The following RAPGEFL1 variants were observed in gnomAD, a reference collection of about 807,000 sequenced individuals.
RAPGEFL1 encodes rap guanine nucleotide exchange factor-like 1.
Under a neutral mutation model 64.4 loss-of-function variants are expected in RAPGEFL1, and 31 were observed. The ratio of observed to expected loss-of-function variants is 0.48; its 90% CI spans 0.36 to 0.65. The LOEUF (loss-of-function observed/expected upper bound fraction) is 0.65, where lower values mean the gene tolerates loss of function less well. RAPGEFL1 is among the 30% of genes least tolerant of loss of function. RAPGEFL1 has a pLI of 0.00. For synonymous variants in RAPGEFL1, 331 were observed against 274.1 expected, an observed-to-expected ratio of 1.21 and a Z score of -2.05; for missense variants, 682 against 677.4, an observed-to-expected ratio of 1.01 and a Z score of -0.08.
intron 6 of RAPGEFL1, 92 bp downstream of exon 6, chr17:40,189,467 C>T: frequency 7.3e-7 from 1 of 1,376,300 alleles, no homozygotes; most frequent in Non-Finnish European, 1.0e-6. Flanking sequence ...AATTCTAGGC[C>T]CTTGCTACTC....
chr17:40,178,366 G>C lies in RAPGEFL1; in HGVS notation c.505G>C (p.Asp169His), dbSNP rs1391224805. ...GCGGCTTGCTGGAGGGGCTACCAGG[G>C]ACAGCGCCGCCTCAGGTAAGGAGCC... ...LERLAGGATR[D>H]SAASDILLDD... The change falls in exon 1 of 15, where the codon GAC (aspartate) becomes CAC (histidine). Residue 169 changes from aspartate to histidine, a missense_variant. Coordinates refer to ENST00000620260, the MANE Select transcript of RAPGEFL1 (RefSeq NM_016339.6). 1.9e-6 allele frequency: 1 copy of C among 534,388 alleles called. No homozygotes were observed. Among genetic ancestry groups the C allele is most frequent in the Non-Finnish European group, 3.4e-6 (1 of 297,126 alleles). The allele number at this position is 534,388 out of a possible 1,614,324, so 33.1% of individuals were successfully genotyped here.
In RAPGEFL1 at chr17:40,192,278, CTCTT is replaced by C. The variant is rs1990302804; in HGVS notation, c.1656+20_1656+23del. The C allele has an allele frequency of 2.5e-6, 4 of 1,612,556 alleles. No homozygotes were observed. The African/African-American group carries it at 4.0e-5, about 16-fold the overall frequency. ...AGAACCTGACGGTGAGTGGGTTTGG[CTCTT>C]TCTTCTGCTCTTGGACTGAGAGCCC... On this transcript the variant is annotated intron_variant, in intron 11 of 14. Transcript: ENST00000620260.
chr17:40,182,482 T>C (rs1242301250), intron 2 of RAPGEFL1, among the ~76,000 whole-genome samples: 1 of 152,116 alleles, frequency 6.6e-6, no homozygotes, highest in Admixed American at 6.6e-5. Flanking sequence ...CTGGCTACTT[T>C]TTGTATTTTT....
intron 1 of RAPGEFL1, among the ~76,000 whole-genome samples, chr17:40,179,111 G>A (rs922726832): frequency 2.0e-5 from 3 of 151,010 alleles, no homozygotes; most frequent in Non-Finnish European, 4.4e-5. Flanking sequence ...CTGTCACCCA[G>A]GCTGGAGTGC....
In RAPGEFL1 at chr17:40,191,229, GCTC is replaced by G; in HGVS notation, c.1336-83_1336-81del. 2 of 1,222,980 alleles carry G rather than the reference GCTC, an allele frequency of 1.6e-6. No homozygotes were observed. Among genetic ancestry groups the G allele is most frequent in the South Asian group, 3.3e-5 (2 of 60,060 alleles). 75.8% of individuals were successfully genotyped at this position (1,222,980 alleles called of 1,614,324 possible). ...TTCCGCCCCCGCCCTCCTGCCTTTCGCTCCTCATCGCCTTGCACTGCCATCTTC... is the reference window on the plus strand; with the variant it reads ...TTCCGCCCCCGCCCTCCTGCCTTTCGCTCATCGCCTTGCACTGCCATCTTC... On this transcript the variant is annotated intron_variant, in intron 8 of 14. Coordinates refer to ENST00000620260, the MANE Select transcript of RAPGEFL1 (RefSeq NM_016339.6). This position sits in a 1 kb window ranked among gnomAD's most constrained non-coding sequence, Gnocchi z 5.1.
chr17:40,189,329 G>A lies in RAPGEFL1; in HGVS notation c.1068G>A (p.Ala356=), dbSNP rs139857191. 53 of 1,614,060 alleles carry A rather than the reference G, an allele frequency of 3.3e-5. No homozygotes were observed. The highest frequency in any genetic ancestry group is 3.2e-4 in the Admixed American group (19 of 60,002). The change falls in exon 6 of 15, where the codon GCG becomes GCA. Residue 356 remains alanine (A), a synonymous_variant. Transcript: ENST00000620260. ...AACTTCAATATTCAGAGGAGCCCGCGGGGCGTGAGGATTCCCTCATCCTGG... is the reference window on the plus strand; with the variant it reads ...AACTTCAATATTCAGAGGAGCCCGCAGGGCGTGAGGATTCCCTCATCCTGG... ...TEKLQYSEEP[A]GREDSLILVA...
At position 40,191,467 on chromosome 17, in the gene RAPGEFL1, T is replaced by G; in HGVS notation, c.1487T>G (p.Leu496Arg). The change falls in exon 9 of 15, where the codon CTC (leucine) becomes CGC (arginine). Residue 496 changes from leucine (L) to arginine (R), a missense_variant. Around this residue, in one of 2 missense-constraint regions of RAPGEFL1, gnomAD observed 411 missense variants for 519.4 expected, o/e 0.79. Transcript: ENST00000620260. The surrounding 1 kb of genome is among the most constrained non-coding windows in gnomAD (Gnocchi z 5.1). Reference protein sequence around the residue: ...CEAPGKRAQLLKKFIKIAALC... With the variant: ...CEAPGKRAQLRKKFIKIAALC... ...GCCCCGGGCAAGCGCGCGCAGCTGCTCAAGAAGTTCATCAAGATCGCGGCC... is the reference window on the plus strand; with the variant it reads ...GCCCCGGGCAAGCGCGCGCAGCTGCGCAAGAAGTTCATCAAGATCGCGGCC... The G allele has an allele frequency of 6.2e-7, 1 of 1,607,070 alleles. No homozygotes were observed. Among genetic ancestry groups the G allele is most frequent in the Non-Finnish European group, 8.5e-7 (1 of 1,178,448 alleles).
In RAPGEFL1 at chr17:40,194,007, C is replaced by A; in HGVS notation, c.*219C>A. ...AAGCCAAAACTACACTTTGCTGGTTCCTGTCCCCTCTGAGAAAGGGGATAG... is the reference window on the plus strand; with the variant it reads ...AAGCCAAAACTACACTTTGCTGGTTACTGTCCCCTCTGAGAAAGGGGATAG... On this transcript the variant is annotated 3_prime_UTR_variant, in exon 15 of 15. Transcript: ENST00000620260. 1.8e-6 allele frequency: 1 copy of A among 545,954 alleles called. No individual in the cohort carries two copies. Among genetic ancestry groups the A allele is most frequent in the Non-Finnish European group, 3.2e-6 (1 of 310,478 alleles). 33.8% of individuals were successfully genotyped at this position (545,954 alleles called of 1,614,324 possible).
Position 40,190,736 on chromosome 17 carries a change from T to C in RAPGEFL1, c.1309T>C (p.Trp437Arg). 1 of 1,614,132 alleles carries C rather than the reference T, an allele frequency of 6.2e-7. No homozygotes were observed. The change falls in exon 8 of 15, where the codon TGG (tryptophan) becomes CGG (arginine). Residue 437 changes from tryptophan to arginine, a missense_variant. Around this residue, in one of 2 missense-constraint regions of RAPGEFL1, gnomAD observed 411 missense variants for 519.4 expected, o/e 0.79. Coordinates refer to ENST00000620260, the MANE Select transcript of RAPGEFL1 (RefSeq NM_016339.6). ...TGCCAACCACCTAACTGCCTTCCACTGGGAGCTGTTCCGATGTGTGCATGA... is the reference window on the plus strand; with the variant it reads ...TGCCAACCACCTAACTGCCTTCCACCGGGAGCTGTTCCGATGTGTGCATGA... ...DVANHLTAFH[W>R]ELFRCVHELE...
chr17:40,192,695 TGA>T lies in RAPGEFL1; in HGVS notation c.1744+8_1744+9del. ...CCTTCGTGCCTCTGATCCTCAAAGG[TGA>T]GAGAGTTACTCCCAAGCTGTGCCGC... On this transcript the variant is annotated splice_donor_region_variant and intron_variant, in intron 12 of 14. Transcript: ENST00000620260. The T allele has an allele frequency of 6.2e-7, 1 of 1,611,278 alleles. No homozygotes were observed. Among genetic ancestry groups the T allele is most frequent in the Non-Finnish European group, 8.5e-7 (1 of 1,177,668 alleles).
rs780480534 is a variant in RAPGEFL1, at chr17:40,190,485, T to C, written c.1166T>C (p.Ile389Thr). The change falls in exon 7 of 15, where the codon ATC becomes ACC. Residue 389 changes from isoleucine to threonine, a missense_variant. By Grantham distance (89) the Ile-to-Thr change is moderately conservative. Coordinates refer to ENST00000620260, the MANE Select transcript of RAPGEFL1 (RefSeq NM_016339.6). The part of the protein sequence containing the change: ...TEDCVFTALG[I>T]NSHLFACTRD... ...GACTGTGTTTTCACCGCACTGGGCA[T>C]CAACAGCCACCTGTTTGCCTGTACT... 1 of 1,614,170 alleles carries C rather than the reference T, an allele frequency of 6.2e-7. No individual in the cohort carries two copies. The highest frequency in any genetic ancestry group is 2.2e-5 in the East Asian group (1 of 44,880).
chr17:40,193,931 G>C lies in RAPGEFL1; in HGVS notation c.*143G>C. 8.9e-7 allele frequency: 1 copy of C among 1,128,988 alleles called. No homozygotes were observed. Among genetic ancestry groups the C allele is most frequent in the Non-Finnish European group, 1.2e-6 (1 of 808,424 alleles). 69.9% of individuals were successfully genotyped at this position (1,128,988 alleles called of 1,614,324 possible). A position where few individuals can be genotyped will look rare whatever the true frequency, so the allele number is the denominator to read the frequency against. On this transcript the variant is annotated 3_prime_UTR_variant, in exon 15 of 15. Coordinates refer to ENST00000620260, the MANE Select transcript of RAPGEFL1 (RefSeq NM_016339.6). ...GAAAGAGGTCGATGGATTTACCCCT[G>C]GACCCATAAGTCTGTTCATCCTGCT... is the stretch of plus-strand genomic sequence containing the variant.
chr17:40,187,803 C>T (rs1469754813), intron 4 of RAPGEFL1, among the ~76,000 whole-genome samples: 3 of 151,112 alleles, frequency 2.0e-5, no homozygotes, highest in African/African-American at 4.9e-5. Context: ...TTAGTAGAGA[C>T]GGGGTTTCAT....
intron 2 of RAPGEFL1, among the ~76,000 whole-genome samples, chr17:40,183,629 C>G (rs1166724176): frequency 7.2e-6 from 1 of 138,944 alleles, no homozygotes; most frequent in Non-Finnish European, 1.5e-5. Context: ...AAGTGATTAT[C>G]TTGCCTCAGC....
intron 4 of RAPGEFL1, among the ~76,000 whole-genome samples, chr17:40,186,882 G>T (rs911460554): frequency 2.1e-5 from 3 of 139,722 alleles, no homozygotes; most frequent in African/African-American, 8.0e-5. Flanking sequence ...AACAGAGCAA[G>T]ACTCTGTCTC....
chr17:40,191,588 G>A lies in RAPGEFL1; in HGVS notation c.1521G>A (p.Lys507=). The part of the protein sequence containing the change: ...KKFIKIAALC[K]QNQDLLSFYA... Reference sequence around the variant, plus strand: ...CCGCCTCCCACCCCCGCAGCTGCAAGCAGAACCAGGACCTGCTGTCTTTCT... The same window carrying A: ...CCGCCTCCCACCCCCGCAGCTGCAAACAGAACCAGGACCTGCTGTCTTTCT... The change falls in exon 10 of 15, where the codon AAG becomes AAA. Residue 507 remains lysine (K), a synonymous_variant. Transcript: ENST00000620260. The surrounding 1 kb of genome is among the most constrained non-coding windows in gnomAD (Gnocchi z 5.1). 6.3e-7 allele frequency: 1 copy of A among 1,590,318 alleles called. No individual in the cohort carries two copies. The highest frequency in any genetic ancestry group is 8.6e-7 in the Non-Finnish European group (1 of 1,165,772).
At position 40,178,073 on chromosome 17, in the gene RAPGEFL1, C is replaced by G; in HGVS notation, c.212C>G (p.Pro71Arg). The change falls in exon 1 of 15, where the codon CCC becomes CGC. Residue 71 changes from proline to arginine, a missense_variant. Pro to Arg is a moderately radical substitution (Grantham distance 103). Transcript: ENST00000620260. ...CTGCTCCCCGCTTTCCTCCGGGAGC[C>G]CCCCGCCGAGCCGGGGCTGGAGCCG... ...RLLLPAFLRE[P>R]PAEPGLEPPP... 1.7e-6 allele frequency: 1 copy of G among 604,578 alleles called. No homozygotes were observed. The highest frequency in any genetic ancestry group is 2.9e-6 in the Non-Finnish European group (1 of 341,912). 37.5% of individuals were successfully genotyped at this position (604,578 alleles called of 1,614,324 possible).
chr17:40,191,222 G>A lies in RAPGEFL1; in HGVS notation c.1336-94G>A, dbSNP rs948659611. Reference sequence around the variant, plus strand: ...CCACCCCTTCCGCCCCCGCCCTCCTGCCTTTCGCTCCTCATCGCCTTGCAC... The same window carrying A: ...CCACCCCTTCCGCCCCCGCCCTCCTACCTTTCGCTCCTCATCGCCTTGCAC... On this transcript the variant is annotated intron_variant, in intron 8 of 14. Transcript: ENST00000620260. This position sits in a 1 kb window ranked among gnomAD's most constrained non-coding sequence, Gnocchi z 5.1. The A allele has an allele frequency of 4.3e-6, 5 of 1,161,950 alleles. No individual in the cohort carries two copies. The highest frequency in any genetic ancestry group is 2.9e-5 in the East Asian group (1 of 34,992). 72.0% of individuals were successfully genotyped at this position (1,161,950 alleles called of 1,614,324 possible). A position where few individuals can be genotyped will look rare whatever the true frequency, so the allele number is the denominator to read the frequency against.
At chr17:40,178,560 C>G (rs1028381573) in intron 1 of RAPGEFL1, among the ~76,000 whole-genome samples, 179 bp downstream of exon 1, 1 of 152,186 alleles carries the variant, frequency 6.6e-6, no homozygotes. Flanking sequence ...GAGAGCAGTA[C>G]TCACCTTCCT....
Sources: allele counts gnomAD v4.1 joint callset (sites outside exome capture counted in the v4.1 genomes callset), GRCh38; gene constraint gnomAD v4.1.1; regional missense constraint gnomAD v4.1.1; non-coding constraint Gnocchi (gnomAD v3.1); transcripts MANE v1.5; gene names NCBI Gene and HGNC (gene_info 2026-07-23, HGNC 2026-07-21).